CSMD1: variants seen among roughly 807,000 people sequenced by gnomAD.
The protein encoded by CSMD1 is CUB and sushi domain-containing protein 1.
A neutral mutation model predicts 417.5 loss-of-function variants in CSMD1; 213 were observed. The ratio of observed to expected loss-of-function variants is 0.51; its 90% CI spans 0.46 to 0.57. The LOEUF (loss-of-function observed/expected upper bound fraction) is 0.57. CSMD1 is among the 20% of genes least tolerant of loss of function. CSMD1 has a pLI of 0.00. For missense variants in CSMD1, 6,923 were observed against 4,529.7 expected, an observed-to-expected ratio of 1.53 and a Z score of -15.17; for synonymous variants, 2,862 against 1,736.8, an observed-to-expected ratio of 1.65 and a Z score of -16.11.
In CSMD1 at chr8:4,994,491, A is replaced by C; in HGVS notation, c.-75T>G. ...GGCAGGGCTATGAGCGGAGCCAAATAATCACCCGAGGGCAAGGCGAGCCGG... is the reference window on the plus strand; with the variant it reads ...GGCAGGGCTATGAGCGGAGCCAAATCATCACCCGAGGGCAAGGCGAGCCGG... On this transcript the variant is annotated 5_prime_UTR_variant, in exon 1 of 70. It adds an upstream start codon to the 5' untranslated region. Transcript: ENST00000635120. The C allele has an allele frequency of 7.3e-7, 1 of 1,373,648 alleles. No homozygotes were observed. The highest frequency in any genetic ancestry group is 1.0e-6 in the Non-Finnish European group (1 of 983,718). 85.1% of individuals were successfully genotyped at this position (1,373,648 alleles called of 1,614,324 possible). A position where few individuals can be genotyped will look rare whatever the true frequency, so the allele number is the denominator to read the frequency against.
At chr8:4,057,622 G>C (rs1165813482) in intron 3 of CSMD1, among the ~76,000 whole-genome samples, 2 of 147,608 alleles carry the variant, frequency 1.4e-5, no homozygotes, top group Admixed American at 1.4e-4. Flanking sequence ...CCTATGTCCT[G>C]AATGGTAATG....
At chr8:3,780,003 T>A (rs150637782) in intron 5 of CSMD1, among the ~76,000 whole-genome samples, 54 of 152,342 alleles carry the variant, frequency 3.5e-4, no homozygotes, top group African/African-American at 1.3e-3. Context: ...CTCCTTTTCC[T>A]AAATACAAAC....
At chr8:3,191,748 C>G (rs563087623) in intron 33 of CSMD1, among the ~76,000 whole-genome samples, 1 of 152,132 alleles carries the variant, frequency 6.6e-6, no homozygotes, top group Non-Finnish European at 1.5e-5. Flanking sequence ...CTTCAATTGG[C>G]AAAGAGGTCC....
In CSMD1 at chr8:4,631,751, A is replaced by G. The variant is rs1802530793; in HGVS notation, c.302+5591T>C. Among the ~76,000 whole-genome samples, 7 of 152,332 alleles carry G rather than the reference A, an allele frequency of 4.6e-5. No individual in the cohort carries two copies. In the South Asian group the frequency reaches 1.5e-3, roughly 32 times the overall value. On this transcript the variant is annotated intron_variant, in intron 2 of 69. Transcript: ENST00000635120. ...ATGATTTTCTGATTTTAATGGCCCT[A>G]TCACATTCACCTCTAACCTCTTCAT...
Position 4,730,613 on chromosome 8 carries a change from C to T in CSMD1, c.86-93055G>A, listed in dbSNP as rs544999732. Among the ~76,000 whole-genome samples the T allele has an allele frequency of 1.3e-3, 203 of 151,980 alleles. 7 individuals carry two copies. The South Asian group carries it at 0.039, about 29-fold the overall frequency. ...AAAATTAGCCGGGCGTGGTGGCGGG[C>T]GCCTGTAGTCCCAGCTACTCGGGAG... On this transcript the variant is annotated intron_variant, in intron 1 of 69. Transcript: ENST00000635120.
chr8:4,520,551 C>G (rs1803387844), intron 2 of CSMD1, among the ~76,000 whole-genome samples: 1 of 152,072 alleles, frequency 6.6e-6, no homozygotes, highest in Non-Finnish European at 1.5e-5. Flanking sequence ...GAAAACCTCC[C>G]CATTTTTAAA....
At chr8:3,758,153 G>A (rs948296228) in intron 5 of CSMD1, among the ~76,000 whole-genome samples, 1 of 151,986 alleles carries the variant, frequency 6.6e-6, no homozygotes, top group Non-Finnish European at 1.5e-5. Context: ...TAGTAGAGAT[G>A]GGATTTCACC....
At chr8:4,162,201 T>C (rs1797214203) in intron 3 of CSMD1, among the ~76,000 whole-genome samples, 1 of 152,234 alleles carries the variant, frequency 6.6e-6, no homozygotes, top group South Asian at 2.1e-4. Flanking sequence ...CAAAATTATA[T>C]GCATGTCTTT....
intron 3 of CSMD1, among the ~76,000 whole-genome samples, chr8:4,048,119 T>C (rs1164705557): frequency 1.3e-5 from 2 of 152,174 alleles, no homozygotes; most frequent in African/African-American, 4.8e-5. Context: ...GACTGATTTC[T>C]AAACATACTT....
chr8:3,723,414 A>G (rs1187853867), intron 6 of CSMD1, among the ~76,000 whole-genome samples: 1 of 152,198 alleles, frequency 6.6e-6, no homozygotes, highest in South Asian at 2.1e-4. Context: ...AACACATCAT[A>G]TTCACTCAAG....
intron 3 of CSMD1, among the ~76,000 whole-genome samples, chr8:4,310,649 C>T (rs1171543220): frequency 4.0e-5 from 6 of 151,880 alleles, no homozygotes; most frequent in South Asian, 2.1e-4. Context: ...CACATTTGAC[C>T]GAGACTATAA....
At chr8:4,267,130 G>A (rs1422499554) in intron 3 of CSMD1, among the ~76,000 whole-genome samples, 3 of 102,224 alleles carry the variant, frequency 2.9e-5, no homozygotes, top group African/African-American at 7.9e-5. Context: ...CAATTAGTTG[G>A]GAGAATTAAA....
intron 3 of CSMD1, among the ~76,000 whole-genome samples, chr8:4,169,759 T>C (rs1388604752): frequency 1.3e-5 from 2 of 152,150 alleles, no homozygotes; most frequent in African/African-American, 4.8e-5. Flanking sequence ...CCTTGAGGAC[T>C]ATTCATGGGA....
chr8:3,308,541 G>A, intron 23 of CSMD1, 38 bp from the exon 24 acceptor site: 1 of 1,540,744 alleles, frequency 6.5e-7, no homozygotes, highest in Non-Finnish European at 8.9e-7. Flanking sequence ...CAGAACTCAA[G>A]GGTGGACATC....
intron 1 of CSMD1, among the ~76,000 whole-genome samples, chr8:4,982,158 C>T (rs900234818): frequency 2.6e-5 from 4 of 152,192 alleles, no homozygotes; most frequent in African/African-American, 7.2e-5. Context: ...TAAGCAGAGA[C>T]CCAGCTAAGC....
intron 33 of CSMD1, among the ~76,000 whole-genome samples, chr8:3,195,151 A>T (rs1353634213): frequency 2.0e-5 from 3 of 152,212 alleles, no homozygotes; most frequent in African/African-American, 7.2e-5. Flanking sequence ...ACAGCCAGGC[A>T]TAAATATAAG....
rs567973175 is a variant in CSMD1 at position 3,957,453 on chromosome 8, G to A, written c.818+40450C>T. ...AGCACTTTGGGAGGCCAAAGCAGGA[G>A]AAGCCCCTGAGCCTAGGAGTATTGG... On this transcript the variant is annotated intron_variant, in intron 5 of 69. Coordinates refer to ENST00000635120, the MANE Select transcript of CSMD1 (RefSeq NM_033225.6). 6.6e-5 allele frequency among the ~76,000 whole-genome samples: 10 copies of A among 152,300 alleles called. No homozygotes were observed. In the East Asian group the frequency reaches 1.9e-3, roughly 29 times the overall value.
intron 5 of CSMD1, among the ~76,000 whole-genome samples, chr8:3,883,854 G>C (rs565416398): frequency 2.6e-5 from 4 of 151,960 alleles, no homozygotes; most frequent in Non-Finnish European, 4.4e-5. Context: ...AATTTTGACA[G>C]AAAAGAGGAA....
At chr8:4,157,901 G>C (rs1430486639) in intron 3 of CSMD1, among the ~76,000 whole-genome samples, 4 of 152,168 alleles carry the variant, frequency 2.6e-5, no homozygotes, top group African/African-American at 4.8e-5. Flanking sequence ...ACAGGATGCT[G>C]AACTTGGGCT....
Sources: allele counts gnomAD v4.1 joint callset (sites outside exome capture counted in the v4.1 genomes callset), GRCh38; gene constraint gnomAD v4.1.1; transcripts MANE v1.5; gene names NCBI Gene and HGNC (gene_info 2026-07-23, HGNC 2026-07-21).